The following EXD1 variants were observed in gnomAD, a reference collection of about 807,000 sequenced individuals.
EXD1 encodes piRNA biogenesis protein EXD1.
EXD1 carries 63 observed loss-of-function variants against 49.1 expected under a neutral mutation model. The observed-to-expected ratio is 1.28, with a 90% confidence interval of 1.05 to 1.58. EXD1 has a LOEUF of 1.58. EXD1 is among the 40% of genes most tolerant of loss of function. EXD1 has a pLI of 0.00. For missense variants in EXD1, 748 were observed against 666.0 expected (o/e 1.12, Z -1.36); for synonymous variants, 234 against 239.2 (o/e 0.98, Z 0.20).
At chr15:41,218,974 C>A (rs2047046939) in intron 3 of EXD1, among the ~76,000 whole-genome samples, 1 of 152,152 alleles carries the variant, frequency 6.6e-6, no homozygotes, top group African/African-American at 2.4e-5. Flanking sequence ...TTCAGATCTG[C>A]CCCAGAGTGA....
At chr15:41,197,070 C>T (rs1233752729) in intron 7 of EXD1, among the ~76,000 whole-genome samples, 3 of 151,922 alleles carry the variant, frequency 2.0e-5, no homozygotes, top group Non-Finnish European at 4.4e-5. Flanking sequence ...AGCAATCTGC[C>T]TGCCTTGGCC....
intron 7 of EXD1, among the ~76,000 whole-genome samples, chr15:41,196,677 C>T (rs1317810229): frequency 1.3e-5 from 2 of 151,840 alleles, no homozygotes; most frequent in African/African-American, 4.8e-5. Context: ...GTGATCTACA[C>T]ACCTCGGCCT....
chr15:41,213,529 G>T (rs8034798), intron 6 of EXD1, among the ~76,000 whole-genome samples: 2 of 108,702 alleles, frequency 1.8e-5, no homozygotes, highest in African/African-American at 1.3e-4. Context: ...TTGTTTTGTT[G>T]TTTTTTGAGA....
intron 7 of EXD1, among the ~76,000 whole-genome samples, chr15:41,200,113 T>A (rs1489142485): frequency 6.6e-6 from 1 of 151,888 alleles, no homozygotes; most frequent in Non-Finnish European, 1.5e-5. Context: ...TTTCACCATG[T>A]TGCCCAGGTT....
At chr15:41,207,465 G>A (rs1353320516) in intron 7 of EXD1, among the ~76,000 whole-genome samples, 2 of 151,856 alleles carry the variant, frequency 1.3e-5, no homozygotes, top group African/African-American at 2.4e-5. Context: ...TCTTGAACCC[G>A]GGAGGTGGAG....
At chr15:41,221,458 G>C (rs2047087389) in intron 2 of EXD1, among the ~76,000 whole-genome samples, 2 of 151,508 alleles carry the variant, frequency 1.3e-5, no homozygotes, top group South Asian at 4.2e-4. Context: ...TTTTTTGGTA[G>C]AGACTGGGTC....
At chr15:41,213,553 T>C (rs953838509) in intron 6 of EXD1, among the ~76,000 whole-genome samples, 1 of 149,438 alleles carries the variant, frequency 6.7e-6, no homozygotes, top group Non-Finnish European at 1.5e-5. Context: ...AGTCTCACTC[T>C]TTCCCAGGCT....
chr15:41,201,994 A>G (rs2046736071), intron 7 of EXD1, among the ~76,000 whole-genome samples: 1 of 152,004 alleles, frequency 6.6e-6, no homozygotes, highest in Admixed American at 6.6e-5. Context: ...TCTGTACAAA[A>G]AACAAAAGAA....
At chr15:41,227,903 A>T (rs1247844634) in intron 1 of EXD1, among the ~76,000 whole-genome samples, 3 of 151,754 alleles carry the variant, frequency 2.0e-5, no homozygotes, top group Non-Finnish European at 2.9e-5. Flanking sequence ...CACAAAAATT[A>T]GCCAGCTGTA....
chr15:41,183,939 G>A lies in EXD1; in HGVS notation c.1711C>T (p.Leu571=), dbSNP rs1043680035. 2 of 1,592,028 alleles carry A rather than the reference G, an allele frequency of 1.3e-6. No homozygotes were observed. The highest frequency in any genetic ancestry group is 1.3e-5 in the African/African-American group (1 of 74,216). The change falls in exon 12 of 12, where the codon CTG becomes TTG. Residue 571 remains leucine, a synonymous_variant. Transcript: ENST00000458580. ...GAACAAACTGCCCATCTCTAGGGCA[G>A]ATTTAGAAAAGGACTTATCCAGGAA... The part of the protein sequence containing the change: ...IDSWISPFLN[L]P
chr15:41,214,283 G>A (rs555501563), intron 6 of EXD1, among the ~76,000 whole-genome samples: 1 of 152,286 alleles, frequency 6.6e-6, no homozygotes, highest in African/African-American at 2.4e-5. Context: ...GGCGGAGATA[G>A]GCAGATCACC....
chr15:41,190,354 TC>T (rs1041642602), intron 10 of EXD1: 37 of 439,810 alleles, frequency 8.4e-5, no homozygotes, highest in African/African-American at 7.4e-4. Flanking sequence ...GCGCCTGTAG[TC>T]CCAGCTACTC....
At chr15:41,228,453 A>G (rs2047194074) in intron 1 of EXD1, among the ~76,000 whole-genome samples, 1 of 152,188 alleles carries the variant, frequency 6.6e-6, no homozygotes, top group Non-Finnish European at 1.5e-5. Flanking sequence ...TTAGAAGGTT[A>G]AGACACCTGC....
chr15:41,210,662 T>TAA (rs147671305), intron 6 of EXD1, among the ~76,000 whole-genome samples: 8,555 of 146,524 alleles, frequency 0.058, 856 homozygotes, highest in African/African-American at 0.2. Flanking sequence ...TCAGCCTGTG[T>TAA]AAAAAAAAAA....
intron 1 of EXD1, among the ~76,000 whole-genome samples, chr15:41,229,232 C>T (rs1264105424): frequency 1.3e-5 from 2 of 152,212 alleles, no homozygotes; most frequent in African/African-American, 2.4e-5. Context: ...AATCCCAACA[C>T]TTTGGGAGGC....
chr15:41,225,701 G>C (rs1228051650), intron 2 of EXD1, among the ~76,000 whole-genome samples: 4 of 151,748 alleles, frequency 2.6e-5, no homozygotes, highest in Non-Finnish European at 5.9e-5. Flanking sequence ...TGGCCAACAG[G>C]CTGTGTTTTT....
chr15:41,188,740 GA>G (rs910327380), intron 11 of EXD1, among the ~76,000 whole-genome samples: 3 of 150,834 alleles, frequency 2.0e-5, no homozygotes, highest in African/African-American at 7.3e-5. Context: ...TAGTATGCTT[GA>G]AAAATGATTG....
At chr15:41,202,148 T>TTTTA (rs1460305240) in intron 7 of EXD1, among the ~76,000 whole-genome samples, 3 of 134,960 alleles carry the variant, frequency 2.2e-5, no homozygotes, top group African/African-American at 3.2e-5. Context: ...AGAACTTTCA[T>TTTTA]TATATATATA....
chr15:41,230,152 C>T (rs2047217785), intron 1 of EXD1, among the ~76,000 whole-genome samples: 1 of 146,634 alleles, frequency 6.8e-6, no homozygotes, highest in Admixed American at 6.9e-5. Flanking sequence ...GCCGCGATCT[C>T]GGCTCACTGC....
Sources: gnomAD v4.1 joint callset for allele counts (sites outside exome capture counted in the v4.1 genomes callset) on GRCh38, gnomAD v4.1.1 for gene constraint, MANE v1.5 for transcripts, NCBI Gene and HGNC (gene_info 2026-07-23, HGNC 2026-07-21) for gene names.